Variants in ITGA6 observed in about 807,000 individuals in gnomAD.
ITGA6 encodes integrin subunit alpha 6.
A neutral mutation model predicts 133.6 loss-of-function variants in ITGA6; 63 were observed. That is an observed-to-expected ratio of 0.47 (90% CI 0.38 to 0.58). The LOEUF is 0.58. ITGA6 is among the 20% of genes least tolerant of loss of function. ITGA6 has a pLI of 0.00. For synonymous variants in ITGA6, 434 were observed against 482.0 expected, an observed-to-expected ratio of 0.90 and a Z score of 1.30; for missense variants, 1,068 against 1,309.4, an observed-to-expected ratio of 0.82 and a Z score of 2.85.
intron 23 of ITGA6, among the ~76,000 whole-genome samples, chr2:172,494,326 G>C (rs1457721560): frequency 6.6e-6 from 1 of 152,106 alleles, no homozygotes; most frequent in Non-Finnish European, 1.5e-5. Context: ...GGGTAACATA[G>C]CAAAACCCCA....
At chr2:172,459,787 G>T (rs1016149822) in intron 1 of ITGA6, among the ~76,000 whole-genome samples, 1 of 152,190 alleles carries the variant, frequency 6.6e-6, no homozygotes, top group Non-Finnish European at 1.5e-5. Flanking sequence ...GTTACCCCAG[G>T]ATAGCCATGA....
chr2:172,449,784 G>C (rs1195445792), intron 1 of ITGA6, among the ~76,000 whole-genome samples: 1 of 152,060 alleles, frequency 6.6e-6, no homozygotes, highest in Non-Finnish European at 1.5e-5. Context: ...AGCCCGGCAT[G>C]GTGGCACATG....
intron 24 of ITGA6, among the ~76,000 whole-genome samples, chr2:172,499,741 T>C (rs1687274613): frequency 6.6e-6 from 1 of 152,158 alleles, no homozygotes. Context: ...GAAGAGGTCA[T>C]AAGGATGGTC....
At chr2:172,484,089 G>A (rs1260154198) in intron 11 of ITGA6, among the ~76,000 whole-genome samples, 1 of 152,226 alleles carries the variant, frequency 6.6e-6, no homozygotes, top group Non-Finnish European at 1.5e-5. Context: ...GGGATGCCAG[G>A]CAGAATTCAC....
chr2:172,463,394 C>T (rs1470608340), intron 1 of ITGA6, among the ~76,000 whole-genome samples: 3 of 152,168 alleles, frequency 2.0e-5, no homozygotes, highest in Admixed American at 1.3e-4. Context: ...CTTCACTCCA[C>T]CCAACTGCAA....
intron 11 of ITGA6, 134 bp downstream of exon 11, chr2:172,480,185 G>C (rs529097159): frequency 2.9e-6 from 2 of 696,412 alleles, no homozygotes; most frequent in South Asian, 3.0e-5. Context: ...TTAAGTGTAT[G>C]TTTTGTCTCC....
Position 172,427,929 on chromosome 2 carries a change from G to C in ITGA6, c.141G>C (p.Ser47=). 1 of 1,606,960 alleles carries C rather than the reference G, an allele frequency of 6.2e-7. No homozygotes were observed. Among genetic ancestry groups the C allele is most frequent in the Non-Finnish European group, 8.5e-7 (1 of 1,177,092 alleles). ...YGDPGSLFGF[S]LAMHWQLQPE... is the part of the protein sequence containing the mutation. ...ACCCCGGGAGCCTCTTCGGCTTCTC[G>C]CTGGCCATGCACTGGCAACTGCAGC... Residue 47 remains serine (S), a synonymous_variant, in exon 1 of 26, where the codon TCG becomes TCC. Coordinates refer to ENST00000684293, the MANE Select transcript of ITGA6 (RefSeq NM_000210.4).
intron 3 of ITGA6, among the ~76,000 whole-genome samples, chr2:172,467,822 AC>A (rs1685746978): frequency 1.3e-5 from 2 of 152,282 alleles, no homozygotes; most frequent in South Asian, 4.1e-4. Context: ...CCCCATCTCT[AC>A]TAAAAATACA....
At chr2:172,454,086 G>GTT (rs1043100408) in intron 1 of ITGA6, among the ~76,000 whole-genome samples, 9 of 117,096 alleles carry the variant, frequency 7.7e-5, no homozygotes, top group African/African-American at 4.1e-4. Flanking sequence ...TTTTTGTTTT[G>GTT]TTTTGTTTTT....
rs1023426704 is a variant in ITGA6, at chr2:172,467,519, G to C, written c.346G>C (p.Gly116Arg). 6.2e-7 allele frequency: 1 copy of C among 1,613,692 alleles called. No individual in the cohort carries two copies. Among genetic ancestry groups the C allele is most frequent in the Non-Finnish European group, 8.5e-7 (1 of 1,179,802 alleles). Residue 116 changes from glycine (G) to arginine (R), a missense_variant, in exon 3 of 26, where the codon GGG (glycine) becomes CGG (arginine). Gly to Arg is a moderately radical substitution (Grantham distance 125, BLOSUM62 -2). This residue lies in a region of ITGA6 where 317 missense variants were observed against 456.9 expected (regional missense o/e 0.69). Transcript: ENST00000684293. ...TSESKEDQWM[G>R]VTVQSQGPGG... The stretch of plus-strand genomic sequence containing the variant: ...AGAAAGCAAGGAAGATCAGTGGATG[G>C]GGGTCACCGTCCAGAGCCAAGGTCC...
At chr2:172,428,089 GCCGGCCGAGGCGCAC>G in intron 1 of ITGA6, 119 bp downstream of exon 1, 1 of 984,584 alleles carries the variant, frequency 1.0e-6, no homozygotes. Context: ...TCGCGCCCGG[GCCGGCCGAGGCGCAC>G]CCAGCGCCCA....
chr2:172,450,308 C>A (rs1339986235), intron 1 of ITGA6, among the ~76,000 whole-genome samples: 1 of 152,086 alleles, frequency 6.6e-6, no homozygotes, highest in Non-Finnish European at 1.5e-5. Context: ...AGGACGGGCT[C>A]GGGTGGAACA....
At chr2:172,449,940 A>G (rs921266870) in intron 1 of ITGA6, among the ~76,000 whole-genome samples, 2 of 147,436 alleles carry the variant, frequency 1.4e-5, no homozygotes, top group African/African-American at 2.5e-5. Flanking sequence ...AAAAAAAAAA[A>G]AAAGAGAGAG....
At chr2:172,440,184 A>G (rs1490333071) in intron 1 of ITGA6, among the ~76,000 whole-genome samples, 1 of 152,206 alleles carries the variant, frequency 6.6e-6, no homozygotes, top group Non-Finnish European at 1.5e-5. Flanking sequence ...CCTGATGGAT[A>G]TGAGTCCTGT....
intron 24 of ITGA6, among the ~76,000 whole-genome samples, chr2:172,499,381 G>A (rs1230777982): frequency 6.8e-6 from 1 of 147,874 alleles, no homozygotes; most frequent in Non-Finnish European, 1.5e-5. Context: ...AATTTTTTTT[G>A]AGACTGGGTC....
chr2:172,449,922 CAAAAAAAAAA>C (rs753594850), intron 1 of ITGA6, among the ~76,000 whole-genome samples: 5 of 77,680 alleles, frequency 6.4e-5, no homozygotes, highest in Non-Finnish European at 1.0e-4. Context: ...ACTTCCTCTC[CAAAAAAAAAA>C]AAAAAAAAAA....
Position 172,491,519 on chromosome 2 carries a change from C to T in ITGA6, c.2984C>T (p.Thr995Ile). The change falls in exon 23 of 26, where the codon ACT becomes ATT. Residue 995 changes from threonine (T) to isoleucine (I), a missense_variant. Physicochemically the swap from Thr to Ile is moderately conservative, Grantham distance 89 (BLOSUM62 -1). This residue lies in a region of ITGA6 where 609 missense variants were observed against 707.2 expected (regional missense o/e 0.86). Transcript: ENST00000684293. The surrounding 1 kb of genome is among the most constrained non-coding windows in gnomAD (Gnocchi z 4.4). ...AATATCAGGCTGCCAAATGCAGGCA[C>T]TCAGGTGAGAGGTTCCCCAGCTTCA... The part of the protein sequence containing the change: ...AENIRLPNAG[T>I]QVRVTVFPSK... The T allele has an allele frequency of 6.2e-7, 1 of 1,607,834 alleles. No homozygotes were observed. Among genetic ancestry groups the T allele is most frequent in the Non-Finnish European group, 8.5e-7 (1 of 1,174,802 alleles).
At chr2:172,447,327 C>T (rs1424424958) in intron 1 of ITGA6, among the ~76,000 whole-genome samples, 1 of 152,128 alleles carries the variant, frequency 6.6e-6, no homozygotes, top group Non-Finnish European at 1.5e-5. Context: ...GCCTCAGCCT[C>T]CCAAGTAGCT....
chr2:172,442,131 C>T (rs1684568926), intron 1 of ITGA6, among the ~76,000 whole-genome samples: 2 of 152,170 alleles, frequency 1.3e-5, no homozygotes, highest in South Asian at 4.1e-4. Context: ...ATGTTTCTCA[C>T]CAACCCCTGC....
Sources: gnomAD v4.1 joint callset for allele counts (sites outside exome capture counted in the v4.1 genomes callset) on GRCh38, gnomAD v4.1.1 for gene constraint, gnomAD v4.1.1 regional missense constraint, Gnocchi (gnomAD v3.1) non-coding constraint, MANE v1.5 for transcripts, NCBI Gene and HGNC (gene_info 2026-07-23, HGNC 2026-07-21) for gene names.